The following BMPR1A variants were observed in gnomAD, a reference collection of about 807,000 sequenced individuals.
The protein encoded by BMPR1A is bone morphogenetic protein receptor type 1A, also known as bone morphogenetic protein receptor type-1A.
In BMPR1A, 7 loss-of-function variants were observed where a neutral mutation model predicts 66.0. That is an observed-to-expected ratio of 0.11 (90% CI 0.06 to 0.20). The LOEUF (loss-of-function observed/expected upper bound fraction) is 0.20. BMPR1A is among the 10% of genes least tolerant of loss of function. The probability of loss-of-function intolerance (pLI) is 1.00; values close to 1 mark genes in which losing one functional copy is unlikely to be tolerated. For synonymous variants in BMPR1A, 200 were observed against 229.7 expected (o/e 0.87, Z 1.17); for missense variants, 408 against 669.1 (o/e 0.61, Z 4.31).
intron 1 of BMPR1A, among the ~76,000 whole-genome samples, chr10:86,762,112 C>T (rs1391000281): frequency 6.6e-6 from 1 of 152,174 alleles, no homozygotes; most frequent in Non-Finnish European, 1.5e-5. Flanking sequence ...AAAGCTTCTC[C>T]CCACTAACCC....
chr10:86,816,550 C>T (rs935989044), intron 1 of BMPR1A, among the ~76,000 whole-genome samples: 3 of 152,136 alleles, frequency 2.0e-5, no homozygotes, highest in African/African-American at 2.4e-5. Flanking sequence ...GGGGATTAAG[C>T]GAAAGTCGAC....
At chr10:86,868,902 T>G (rs1450576448) in intron 2 of BMPR1A, among the ~76,000 whole-genome samples, 1 of 152,142 alleles carries the variant, frequency 6.6e-6, no homozygotes, top group Non-Finnish European at 1.5e-5. Flanking sequence ...TAATGTTATT[T>G]TCCTGAAAAG....
chr10:86,844,202 G>C (rs868042304), intron 2 of BMPR1A, among the ~76,000 whole-genome samples: 4 of 152,104 alleles, frequency 2.6e-5, no homozygotes, highest in Non-Finnish European at 5.9e-5. Context: ...CATATTCAAA[G>C]GGAGATTTTA....
At chr10:86,916,836 C>G (rs1843576869) in intron 8 of BMPR1A, among the ~76,000 whole-genome samples, 1 of 151,762 alleles carries the variant, frequency 6.6e-6, no homozygotes, top group Non-Finnish European at 1.5e-5. Flanking sequence ...ACTAAAAATA[C>G]AAAAAAATTA....
intron 1 of BMPR1A, among the ~76,000 whole-genome samples, chr10:86,777,269 A>T (rs944031073): frequency 2.0e-5 from 3 of 152,116 alleles, no homozygotes; most frequent in African/African-American, 7.2e-5. Flanking sequence ...TGTACTTTTT[A>T]AAAATGTGGT....
intron 3 of BMPR1A, among the ~76,000 whole-genome samples, chr10:86,876,931 T>C (rs935577882): frequency 2.0e-5 from 3 of 152,184 alleles, no homozygotes; most frequent in Admixed American, 1.3e-4. Flanking sequence ...AGCTTAGAAC[T>C]CCCAAACAGG....
chr10:86,911,015 C>T (rs978309311), intron 7 of BMPR1A, among the ~76,000 whole-genome samples: 7 of 151,870 alleles, frequency 4.6e-5, no homozygotes, highest in African/African-American at 1.7e-4. Flanking sequence ...ATTAGCCAGG[C>T]GTAGTGGAAC....
At chr10:86,911,142 G>A (rs1261692720) in intron 7 of BMPR1A, among the ~76,000 whole-genome samples, 1 of 124,556 alleles carries the variant, frequency 8.0e-6, no homozygotes, top group Admixed American at 8.9e-5. Context: ...GTGACAGAGT[G>A]AGACCCTGTC....
chr10:86,847,027 G>T (rs1259497648), intron 2 of BMPR1A, among the ~76,000 whole-genome samples: 4 of 151,964 alleles, frequency 2.6e-5, no homozygotes, highest in African/African-American at 9.7e-5. Flanking sequence ...GCTAATTTTT[G>T]TATTTTTAGT....
At chr10:86,866,277 T>C (rs769276588) in intron 2 of BMPR1A, among the ~76,000 whole-genome samples, 3 of 150,314 alleles carry the variant, frequency 2.0e-5, no homozygotes, top group Non-Finnish European at 4.5e-5. Flanking sequence ...CACAGTACTT[T>C]CTGTTTTTTA....
chr10:86,870,847 C>T (rs1842845924), intron 2 of BMPR1A, among the ~76,000 whole-genome samples: 1 of 152,032 alleles, frequency 6.6e-6, no homozygotes, highest in African/African-American at 2.4e-5. Flanking sequence ...TTGTCATTCT[C>T]CTAAATTTCC....
intron 5 of BMPR1A, among the ~76,000 whole-genome samples, chr10:86,893,340 G>A (rs1361748921): frequency 6.6e-6 from 1 of 152,206 alleles, no homozygotes; most frequent in Non-Finnish European, 1.5e-5. Context: ...CATCCTGATG[G>A]CTCTGGGTTA....
chr10:86,889,181 A>G (rs551144544), intron 3 of BMPR1A, among the ~76,000 whole-genome samples: 1 of 152,220 alleles, frequency 6.6e-6, no homozygotes, highest in Non-Finnish European at 1.5e-5. Context: ...AGTACCAAAT[A>G]TGACAGTATC....
chr10:86,898,914 A>T (rs910107784), intron 5 of BMPR1A, among the ~76,000 whole-genome samples: 1 of 152,182 alleles, frequency 6.6e-6, no homozygotes, highest in Non-Finnish European at 1.5e-5. Context: ...GTTATTAATA[A>T]AACTTCATTT....
Position 86,925,283 on chromosome 10 carries a change from CAA to C in BMPR1A, c.*1565_*1566del. 1 of 219,268 alleles carries C rather than the reference CAA, an allele frequency of 4.6e-6. No individual in the cohort carries two copies. 13.6% of individuals were successfully genotyped at this position (219,268 alleles called of 1,614,324 possible). A position where few individuals can be genotyped will look rare whatever the true frequency, so the allele number is the denominator to read the frequency against. On this transcript the variant is annotated 3_prime_UTR_variant, in exon 13 of 13. Coordinates refer to ENST00000372037, the MANE Select transcript of BMPR1A (RefSeq NM_004329.3). Reference sequence around the variant, plus strand: ...CTGAGCAAACAATTCATGAGTACATCAAGTGAGATAGTTTTATTTGATTATAA... The same window carrying C: ...CTGAGCAAACAATTCATGAGTACATCGTGAGATAGTTTTATTTGATTATAA...
intron 2 of BMPR1A, among the ~76,000 whole-genome samples, chr10:86,868,338 TA>T (rs1184184847): frequency 2.6e-5 from 4 of 152,236 alleles, no homozygotes. Context: ...CTGATGTAAA[TA>T]ACTGCGAGTG....
chr10:86,770,519 G>A (rs1841239698), intron 1 of BMPR1A, among the ~76,000 whole-genome samples: 1 of 152,138 alleles, frequency 6.6e-6, no homozygotes. Context: ...GTCCCCAGAA[G>A]AAAAGCTATC....
intron 1 of BMPR1A, among the ~76,000 whole-genome samples, chr10:86,766,914 C>T (rs1316506583): frequency 2.6e-5 from 4 of 151,634 alleles, no homozygotes; most frequent in Non-Finnish European, 5.9e-5. Flanking sequence ...GCCTCTGCCT[C>T]CCGGATTCAA....
chr10:86,875,094 C>T lies in BMPR1A; in HGVS notation c.-152-773C>T, dbSNP rs181849852. On this transcript the variant is annotated intron_variant, in intron 2 of 12. Coordinates refer to ENST00000372037, the MANE Select transcript of BMPR1A (RefSeq NM_004329.3). Reference sequence around the variant, plus strand: ...TTAATTAAATATGTGTAATTTTCGCCTGGCATGGTGACTCACACCTGTAAT... The same window carrying T: ...TTAATTAAATATGTGTAATTTTCGCTTGGCATGGTGACTCACACCTGTAAT... Among the ~76,000 whole-genome samples, 12 of 151,850 alleles carry T rather than the reference C, an allele frequency of 7.9e-5. No homozygotes were observed. In the East Asian group the frequency reaches 1.6e-3, roughly 20 times the overall value.
Sources: allele counts gnomAD v4.1 joint callset (sites outside exome capture counted in the v4.1 genomes callset), GRCh38; gene constraint gnomAD v4.1.1; transcripts MANE v1.5; gene names NCBI Gene and HGNC (gene_info 2026-07-23, HGNC 2026-07-21).